KCNIP4: variants seen among roughly 807,000 people sequenced by gnomAD.
The protein encoded by KCNIP4 is Kv channel-interacting protein 4.
Under a neutral mutation model 34.0 loss-of-function variants are expected in KCNIP4, and 12 were observed. The observed-to-expected ratio is 0.35, with a 90% CI of 0.23 to 0.57. The LOEUF (loss-of-function observed/expected upper bound fraction) is 0.57. Ranked by LOEUF, KCNIP4 falls within the 20% of genes least tolerant of loss-of-function variation. KCNIP4 has a pLI of 0.83. For missense variants in KCNIP4, 238 were observed against 311.7 expected (o/e 0.76, Z 1.78); for synonymous variants, 124 against 102.2 (o/e 1.21, Z -1.29).
intron 5 of KCNIP4, among the ~76,000 whole-genome samples, chr4:20,738,464 T>G (rs144810275): frequency 6.6e-6 from 1 of 152,294 alleles, no homozygotes; most frequent in East Asian, 1.9e-4. Flanking sequence ...CCCCAAAATT[T>G]ACATGTCTGA....
intron 1 of KCNIP4, among the ~76,000 whole-genome samples, chr4:21,440,335 A>G (rs1201686989): frequency 6.6e-6 from 1 of 152,244 alleles, no homozygotes; most frequent in Non-Finnish European, 1.5e-5. Context: ...ACAGAAGTAC[A>G]GATCAATACT....
intron 1 of KCNIP4, among the ~76,000 whole-genome samples, chr4:21,840,391 A>G (rs1472905682): frequency 6.6e-6 from 1 of 152,094 alleles, no homozygotes; most frequent in East Asian, 1.9e-4. Context: ...TTTTATGTGC[A>G]GAACAGCTGT....
intron 1 of KCNIP4, among the ~76,000 whole-genome samples, chr4:21,680,745 G>C (rs979432217): frequency 3.3e-5 from 5 of 152,176 alleles, no homozygotes; most frequent in Non-Finnish European, 5.9e-5. Context: ...TCAATGAGCA[G>C]TAACATTTTG....
At chr4:21,040,597 A>C (rs1420026024) in intron 1 of KCNIP4, among the ~76,000 whole-genome samples, 1 of 152,164 alleles carries the variant, frequency 6.6e-6, no homozygotes, top group Non-Finnish European at 1.5e-5. Flanking sequence ...TAAAATTGAA[A>C]CAGTACCTTC....
chr4:21,343,338 AAG>A (rs1159054329), intron 1 of KCNIP4, among the ~76,000 whole-genome samples: 6 of 152,140 alleles, frequency 3.9e-5, no homozygotes, highest in Admixed American at 2.6e-4. Flanking sequence ...TAAAAAAGGA[AAG>A]AGAGAAAAAA....
chr4:21,187,272 T>G (rs1404072797), intron 1 of KCNIP4, among the ~76,000 whole-genome samples: 1 of 152,152 alleles, frequency 6.6e-6, no homozygotes, highest in Non-Finnish European at 1.5e-5. Flanking sequence ...AGGTTTCTCA[T>G]TCAAAACTAA....
At chr4:20,933,611 G>T (rs1730722082) in intron 1 of KCNIP4, among the ~76,000 whole-genome samples, 1 of 151,972 alleles carries the variant, frequency 6.6e-6, no homozygotes, top group African/African-American at 2.4e-5. Context: ...AGTAAAATCT[G>T]GCATACTCAG....
At chr4:21,238,171 A>C (rs1011292079) in intron 1 of KCNIP4, among the ~76,000 whole-genome samples, 5 of 152,230 alleles carry the variant, frequency 3.3e-5, no homozygotes, top group Admixed American at 6.5e-5. Context: ...CTTTGATAAA[A>C]TTCAACAAGG....
chr4:21,620,015 C>T (rs1000438367), intron 1 of KCNIP4, among the ~76,000 whole-genome samples: 1 of 152,146 alleles, frequency 6.6e-6, no homozygotes, highest in African/African-American at 2.4e-5. Flanking sequence ...GACCATTGTA[C>T]TCAATGTTTT....
chr4:21,541,551 C>T (rs1169391887), intron 1 of KCNIP4, among the ~76,000 whole-genome samples: 1 of 152,178 alleles, frequency 6.6e-6, no homozygotes, highest in East Asian at 1.9e-4. Context: ...GAAGCTTAGG[C>T]TTCAGACCCC....
Position 20,769,460 on chromosome 4 carries a change from C to A in KCNIP4, c.289-10570G>T, listed in dbSNP as rs186182434. ...ATCCAGAAGACAGTGTCCATTTTGT[C>A]AGGGTCTTTTAAAAATTATGATGTA... is the stretch of plus-strand genomic sequence containing the variant. On this transcript the variant is annotated intron_variant, in intron 3 of 8. Transcript: ENST00000382152. Among the ~76,000 whole-genome samples the A allele has an allele frequency of 3.3e-3, 502 of 152,172 alleles. 2 individuals are homozygous for A. The highest frequency in any genetic ancestry group is 0.011 in the Admixed American group (168 of 15,272).
intron 1 of KCNIP4, among the ~76,000 whole-genome samples, chr4:21,802,115 CT>C (rs1203642556): frequency 6.6e-6 from 1 of 152,024 alleles, no homozygotes; most frequent in Non-Finnish European, 1.5e-5. Flanking sequence ...GCTACTGAGA[CT>C]GAAGTGCAGA....
chr4:21,931,804 T>C (rs1171133148), intron 1 of KCNIP4, among the ~76,000 whole-genome samples: 3 of 152,124 alleles, frequency 2.0e-5, no homozygotes, highest in Non-Finnish European at 2.9e-5. Flanking sequence ...AGTAATGGGA[T>C]TGCTGGGTCA....
At chr4:21,082,565 C>T (rs779165173) in intron 1 of KCNIP4, among the ~76,000 whole-genome samples, 1 of 151,688 alleles carries the variant, frequency 6.6e-6, no homozygotes, top group African/African-American at 2.4e-5. Context: ...AGAAGTCTTA[C>T]TTTCCACTCT....
At chr4:21,380,271 C>T (rs1033457238) in intron 1 of KCNIP4, among the ~76,000 whole-genome samples, 7 of 151,982 alleles carry the variant, frequency 4.6e-5, no homozygotes, top group African/African-American at 1.7e-4. Context: ...GTAAATATTG[C>T]CATATTTGAT....
intron 1 of KCNIP4, among the ~76,000 whole-genome samples, chr4:21,070,239 A>G (rs1255008137): frequency 2.6e-5 from 4 of 152,126 alleles, no homozygotes; most frequent in African/African-American, 9.7e-5. Context: ...CTGCTCACCC[A>G]CTGAGGCATA....
chr4:21,577,172 G>A (rs746410031), intron 1 of KCNIP4, among the ~76,000 whole-genome samples: 12 of 152,146 alleles, frequency 7.9e-5, no homozygotes, highest in Non-Finnish European at 1.6e-4. Context: ...TATCCTGGAT[G>A]CTACACTGTG....
At chr4:21,243,077 A>C (rs1314958501) in intron 1 of KCNIP4, among the ~76,000 whole-genome samples, 1 of 152,182 alleles carries the variant, frequency 6.6e-6, no homozygotes, top group Non-Finnish European at 1.5e-5. Flanking sequence ...TATCATTATC[A>C]ATATCAGATT....
chr4:21,247,982 TAC>T lies in KCNIP4; in HGVS notation c.62-365275_62-365274del, dbSNP rs571498756. Among the ~76,000 whole-genome samples the T allele has an allele frequency of 4.3e-3, 453 of 104,980 alleles. 10 individuals are homozygous for T. Among genetic ancestry groups the T allele is most frequent in the African/African-American group, 0.015 (275 of 18,598 alleles). 68.9% of individuals were successfully genotyped at this position (104,980 alleles called of 152,430 possible). A position where few individuals can be genotyped will look rare whatever the true frequency, so the allele number is the denominator to read the frequency against. ...ATATATATACACACACATATATATA[TAC>T]ACACACACACACACACACACCCCCC... On this transcript the variant is annotated intron_variant, in intron 1 of 8. Transcript: ENST00000382152.
Sources: allele counts gnomAD v4.1 joint callset (sites outside exome capture counted in the v4.1 genomes callset), GRCh38; gene constraint gnomAD v4.1.1; transcripts MANE v1.5; gene names NCBI Gene and HGNC (gene_info 2026-07-23, HGNC 2026-07-21).